Variants in MAGI2 observed in about 807,000 individuals in gnomAD.
MAGI2 encodes the protein membrane-associated guanylate kinase, WW and PDZ domain-containing protein 2.
In MAGI2, 35 loss-of-function variants were observed where a neutral mutation model predicts 133.3. The observed-to-expected ratio is 0.26, with a 90% CI of 0.20 to 0.35. The LOEUF (loss-of-function observed/expected upper bound fraction) is 0.35. Ranked by LOEUF, MAGI2 falls within the 10% of genes least tolerant of loss-of-function variation. The pLI, the probability that MAGI2 is intolerant of heterozygous loss-of-function variation, is 1.00. For synonymous variants in MAGI2, 729 were observed against 710.6 expected, an observed-to-expected ratio of 1.03 and a Z score of -0.41; for missense variants, 1,636 against 1,863.4, an observed-to-expected ratio of 0.88 and a Z score of 2.25.
At chr7:79,058,271 T>C (rs1813352242) in intron 1 of MAGI2, among the ~76,000 whole-genome samples, 1 of 152,196 alleles carries the variant, frequency 6.6e-6, no homozygotes, top group Non-Finnish European at 1.5e-5. Flanking sequence ...ACTACCTTAA[T>C]AATGTTGCTC....
intron 1 of MAGI2, among the ~76,000 whole-genome samples, chr7:79,138,175 G>A (rs1023705681): frequency 9.9e-5 from 15 of 152,220 alleles, no homozygotes; most frequent in African/African-American, 2.6e-4. Flanking sequence ...CTGTAAGATC[G>A]TAAATTTGCA....
chr7:79,144,287 T>C (rs1328569916), intron 1 of MAGI2, among the ~76,000 whole-genome samples: 12 of 152,164 alleles, frequency 7.9e-5, no homozygotes, highest in Admixed American at 7.9e-4. Flanking sequence ...TCTCCAAATC[T>C]CACGTGGAAT....
chr7:78,665,930 TTA>T (rs1813522324), intron 2 of MAGI2, among the ~76,000 whole-genome samples: 1 of 152,108 alleles, frequency 6.6e-6, no homozygotes, highest in South Asian at 2.1e-4. Flanking sequence ...ATACTGACAA[TTA>T]ACCAGGTAGT....
At chr7:78,190,923 T>C (rs1828146140) in intron 12 of MAGI2, among the ~76,000 whole-genome samples, 1 of 152,212 alleles carries the variant, frequency 6.6e-6, no homozygotes, top group Admixed American at 6.5e-5. Context: ...GTATTTTCTT[T>C]TGTTTTCAAT....
chr7:79,156,096 A>T (rs1431045861), intron 1 of MAGI2, among the ~76,000 whole-genome samples: 2 of 152,068 alleles, frequency 1.3e-5, no homozygotes, highest in Non-Finnish European at 2.9e-5. Flanking sequence ...ATCTTCCCCA[A>T]ATTCCTATCT....
At chr7:79,326,866 G>A (rs980210711) in intron 1 of MAGI2, among the ~76,000 whole-genome samples, 20 of 152,048 alleles carry the variant, frequency 1.3e-4, no homozygotes, top group East Asian at 1.9e-4. Flanking sequence ...GCATGATGAC[G>A]ATAAATACTA....
intron 6 of MAGI2, among the ~76,000 whole-genome samples, chr7:78,430,343 T>C (rs1246787558): frequency 6.7e-6 from 1 of 148,952 alleles, no homozygotes; most frequent in Non-Finnish European, 1.5e-5. Flanking sequence ...ATATATATTC[T>C]ACAGCTAAAA....
At chr7:78,361,380 G>T (rs1212986791) in intron 7 of MAGI2, among the ~76,000 whole-genome samples, 3 of 125,012 alleles carry the variant, frequency 2.4e-5, no homozygotes, top group African/African-American at 6.2e-5. Context: ...GCGACAGAGT[G>T]AGACTCCATC....
intron 10 of MAGI2, among the ~76,000 whole-genome samples, chr7:78,238,569 T>C (rs942818631): frequency 1.3e-5 from 2 of 152,098 alleles, no homozygotes; most frequent in Non-Finnish European, 2.9e-5. Flanking sequence ...CTTTTTCTTA[T>C]ATCCCCCATC....
intron 9 of MAGI2, among the ~76,000 whole-genome samples, chr7:78,298,014 A>AAAAG (rs1197871153): frequency 6.6e-6 from 1 of 152,196 alleles, no homozygotes; most frequent in Non-Finnish European, 1.5e-5. Flanking sequence ...TGGGAAAAAA[A>AAAAG]AAAGATTAAC....
intron 3 of MAGI2, among the ~76,000 whole-genome samples, chr7:78,591,446 G>C (rs1227235015): frequency 2.6e-5 from 4 of 152,222 alleles, no homozygotes; most frequent in Non-Finnish European, 2.9e-5. Flanking sequence ...ATCCAAGCTG[G>C]AGGTGCGGGG....
chr7:79,115,323 C>T (rs1384634953), intron 1 of MAGI2, among the ~76,000 whole-genome samples: 1 of 152,038 alleles, frequency 6.6e-6, no homozygotes, highest in African/African-American at 2.4e-5. Flanking sequence ...TTCACATTAC[C>T]AAAGGAAAAA....
chr7:78,874,552 A>G (rs1214206819), intron 2 of MAGI2, among the ~76,000 whole-genome samples: 4 of 152,206 alleles, frequency 2.6e-5, no homozygotes, highest in Non-Finnish European at 5.9e-5. Context: ...AAAATTCCAC[A>G]TGATCTTATT....
At chr7:78,223,783 C>A (rs1421667077) in intron 10 of MAGI2, among the ~76,000 whole-genome samples, 3 of 151,876 alleles carry the variant, frequency 2.0e-5, no homozygotes, top group African/African-American at 7.3e-5. Flanking sequence ...CTAGTAGAAA[C>A]CCAGAAGAGA....
At chr7:78,573,320 AAAT>A (rs1801884055) in intron 3 of MAGI2, among the ~76,000 whole-genome samples, 1 of 69,364 alleles carries the variant, frequency 1.4e-5, no homozygotes, top group African/African-American at 7.5e-5. Context: ...ATAAATATAT[AAAT>A]ATATATATAA....
intron 3 of MAGI2, among the ~76,000 whole-genome samples, chr7:78,621,603 G>C (rs953907369): frequency 2.0e-5 from 3 of 151,942 alleles, no homozygotes; most frequent in African/African-American, 4.8e-5. Flanking sequence ...TTGGGGGGTG[G>C]AAGCAGAAGA....
intron 2 of MAGI2, among the ~76,000 whole-genome samples, chr7:78,756,126 G>C (rs1823921383): frequency 6.6e-6 from 1 of 152,036 alleles, no homozygotes; most frequent in African/African-American, 2.4e-5. Flanking sequence ...ATATATATCA[G>C]GTGGTGCTTG....
intron 1 of MAGI2, among the ~76,000 whole-genome samples, chr7:79,391,754 G>T (rs748659647): frequency 6.6e-6 from 1 of 151,620 alleles, no homozygotes; most frequent in African/African-American, 2.4e-5. Flanking sequence ...GCGCGATCTC[G>T]GCTCACTGCA....
At chr7:78,228,788 A>G (rs1789664456) in intron 10 of MAGI2, among the ~76,000 whole-genome samples, 1 of 152,250 alleles carries the variant, frequency 6.6e-6, no homozygotes, top group African/African-American at 2.4e-5. Context: ...TAAATAAGAA[A>G]AGATCTTTAT....
Sources: allele counts gnomAD v4.1 joint callset (sites outside exome capture counted in the v4.1 genomes callset), GRCh38; gene constraint gnomAD v4.1.1; transcripts MANE v1.5; gene names NCBI Gene and HGNC (gene_info 2026-07-23, HGNC 2026-07-21).